Variants in SLC45A1 observed in about 807,000 individuals in gnomAD.
The protein encoded by SLC45A1 is solute carrier family 45 member 1, also known as proton-associated sugar transporter A.
In SLC45A1, 28 loss-of-function variants were observed where a neutral mutation model predicts 57.6. The ratio of observed to expected loss-of-function variants is 0.49; its 90% CI spans 0.36 to 0.67. The LOEUF is 0.67. Ranked by LOEUF, SLC45A1 falls within the 30% of genes least tolerant of loss-of-function variation. The probability of loss-of-function intolerance (pLI) is 0.00; values close to 1 mark genes in which losing one functional copy is unlikely to be tolerated. For synonymous variants in SLC45A1, 459 were observed against 471.5 expected (o/e 0.97, Z 0.34); for missense variants, 814 against 1,041.5 (o/e 0.78, Z 3.01).
intron 8 of SLC45A1, among the ~76,000 whole-genome samples, chr1:8,342,442 C>T (rs1288597721): frequency 6.6e-6 from 1 of 152,156 alleles, no homozygotes; most frequent in African/African-American, 2.4e-5. Flanking sequence ...CTCCCACTCT[C>T]CCAGGCCTAG....
chr1:8,339,942 TC>T (rs946051352), intron 8 of SLC45A1, among the ~76,000 whole-genome samples: 104 of 152,314 alleles, frequency 6.8e-4, no homozygotes, highest in African/African-American at 2.4e-3. Flanking sequence ...GCTCTGTCCT[TC>T]CCAGGGATGT....
chr1:8,323,839 C>T (rs74049551), intron 1 of SLC45A1, among the ~76,000 whole-genome samples: 2,228 of 152,210 alleles, frequency 0.015, 65 homozygotes, highest in African/African-American at 0.051. Flanking sequence ...CCCCGCAACG[C>T]GAGGAAGCAC....
chr1:8,343,639 G>T lies in SLC45A1; in HGVS notation c.1981-108G>T. ...TGTTGGCGCTGAAAAATGTGAGGCC[G>T]CTGTGTGTGGGCCGCTCGGGCCTCC... On this transcript the variant is annotated intron_variant, in intron 8 of 8. Coordinates refer to ENST00000471889, the MANE Select transcript of SLC45A1 (RefSeq NM_001080397.3). The surrounding 1 kb of genome is among the most constrained non-coding windows in gnomAD (Gnocchi z 7.7). 8.1e-7 allele frequency: 1 copy of T among 1,240,222 alleles called. No individual in the cohort carries two copies. The highest frequency in any genetic ancestry group is 1.1e-6 in the Non-Finnish European group (1 of 893,020). The allele number at this position is 1,240,222 out of a possible 1,614,324, so 76.8% of individuals were successfully genotyped here.
At chr1:8,323,111 C>T (rs573101668) in intron 1 of SLC45A1, among the ~76,000 whole-genome samples, 25 of 152,210 alleles carry the variant, frequency 1.6e-4, no homozygotes, top group Admixed American at 6.5e-4. Context: ...GAGGACAGCG[C>T]GGGAGGGGAG....
Position 8,340,187 on chromosome 1 carries a change from G to A in SLC45A1, c.1980+489G>A, listed in dbSNP as rs189515999. 5.3e-3 allele frequency among the ~76,000 whole-genome samples: 804 copies of A among 150,358 alleles called. 2 individuals are homozygous for A. Among genetic ancestry groups the A allele is most frequent in the African/African-American group, 0.018 (729 of 40,804 alleles). ...TTTCTTTTTTTTTTTTTTTGAGATGGAGTCTTGCTCTGATGCCTGTGCTGG... is the reference window on the plus strand; with the variant it reads ...TTTCTTTTTTTTTTTTTTTGAGATGAAGTCTTGCTCTGATGCCTGTGCTGG... On this transcript the variant is annotated intron_variant, in intron 8 of 8. Transcript: ENST00000471889.
In SLC45A1 at chr1:8,326,158, T is replaced by C; in HGVS notation, c.715+116T>C. The C allele has an allele frequency of 1.3e-6, 1 of 750,322 alleles. No homozygotes were observed. Among genetic ancestry groups the C allele is most frequent in the Non-Finnish European group, 2.2e-6 (1 of 459,498 alleles). The allele number at this position is 750,322 out of a possible 1,614,324, so 46.5% of individuals were successfully genotyped here. A position where few individuals can be genotyped will look rare whatever the true frequency, so the allele number is the denominator to read the frequency against. On this transcript the variant is annotated intron_variant, in intron 4 of 8. Coordinates refer to ENST00000471889, the MANE Select transcript of SLC45A1 (RefSeq NM_001080397.3). This position sits in a 1 kb window ranked among gnomAD's most constrained non-coding sequence, Gnocchi z 5.5. ...AACAAAGAAGCTGGGAGAATTCCAA[T>C]ACATGGAGAAACACTGAAGTGATTG...
intron 4 of SLC45A1, among the ~76,000 whole-genome samples, chr1:8,329,607 G>C (rs74049560): frequency 6.6e-6 from 1 of 152,234 alleles, no homozygotes; most frequent in South Asian, 2.1e-4. Context: ...TGGGCTGGCC[G>C]GTGCCCCGAG....
In SLC45A1 at chr1:8,325,537, G is replaced by T. The variant is rs775365658; in HGVS notation, c.490+147G>T. The T allele has an allele frequency of 7.6e-5, 50 of 653,694 alleles. No homozygotes were observed. Among genetic ancestry groups the T allele is most frequent in the Non-Finnish European group, 1.1e-4 (40 of 373,708 alleles). The allele number at this position is 653,694 out of a possible 1,614,324, so 40.5% of individuals were successfully genotyped here. On this transcript the variant is annotated intron_variant, in intron 3 of 8. Coordinates refer to ENST00000471889, the MANE Select transcript of SLC45A1 (RefSeq NM_001080397.3). The surrounding 1 kb of genome is among the most constrained non-coding windows in gnomAD (Gnocchi z 6.3). ...ACTGGTGTGAGGCAGGGAGTGCCCC[G>T]CAACCTGGCCTCAGTTAACTGTGAG...
At chr1:8,332,315 C>T (rs928198204) in intron 5 of SLC45A1, among the ~76,000 whole-genome samples, 2 of 152,212 alleles carry the variant, frequency 1.3e-5, no homozygotes, top group African/African-American at 4.8e-5. Context: ...TGTCTGGGAT[C>T]GTCCCTCCTG....
rs911266058 is a variant in SLC45A1 at position 8,338,087 on chromosome 1, C to A, written c.1774+95C>A. ...AGGCAGGTTCATGGCCTTACGATTG[C>A]AGACACCACATCCCAATTTGGGGGA... On this transcript the variant is annotated intron_variant, in intron 7 of 8. Transcript: ENST00000471889. The A allele has an allele frequency of 1.3e-5, 15 of 1,146,636 alleles. No homozygotes were observed. In the Admixed American group the frequency reaches 1.8e-4, roughly 14 times the overall value. The allele number at this position is 1,146,636 out of a possible 1,614,324, so 71.0% of individuals were successfully genotyped here.
chr1:8,325,930 G>A lies in SLC45A1; in HGVS notation c.603G>A (p.Val201=), dbSNP rs757209202. 3 of 1,613,964 alleles carry A rather than the reference G, an allele frequency of 1.9e-6. No homozygotes were observed. The South Asian group carries it at 3.3e-5, about 18-fold the overall frequency. ...WGLLLTVCGV[V]LMDFSADSAD... is the part of the protein sequence containing the mutation. Reference sequence around the variant, plus strand: ...TGCTGCTGACCGTGTGCGGTGTGGTGCTGATGGACTTTAGCGCCGACTCGG... The same window carrying A: ...TGCTGCTGACCGTGTGCGGTGTGGTACTGATGGACTTTAGCGCCGACTCGG... The change falls in exon 4 of 9, where the codon GTG becomes GTA. Residue 201 remains valine (V), a synonymous_variant. Transcript: ENST00000471889. The surrounding 1 kb of genome is among the most constrained non-coding windows in gnomAD (Gnocchi z 6.3).
chr1:8,328,441 C>T lies in SLC45A1; in HGVS notation c.716-1768C>T, dbSNP rs573402603. On this transcript the variant is annotated intron_variant, in intron 4 of 8. Transcript: ENST00000471889. This position sits in a 1 kb window ranked among gnomAD's most constrained non-coding sequence, Gnocchi z 4.6. ...GAGGGAACTTCTAAAGGGGCCATGC[C>T]GGGCGAGTGCTGGGCTTGGCAGAGA... Among the ~76,000 whole-genome samples the T allele has an allele frequency of 1.1e-4, 16 of 152,338 alleles. No homozygotes were observed. The South Asian group carries it at 2.1e-3, about 20-fold the overall frequency.
chr1:8,318,215 C>T (rs1639883918), intron 1 of SLC45A1, 29 bp downstream of exon 1: 1 of 421,998 alleles, frequency 2.4e-6, no homozygotes, highest in Non-Finnish European at 4.3e-6. Context: ...CGCCCTCCGC[C>T]CGCTCTCTGG....
rs1640386427 is a variant in SLC45A1 at position 8,330,916 on chromosome 1, A to C, written c.1423A>C (p.Asn475His). The C allele has an allele frequency of 6.3e-7, 1 of 1,594,804 alleles. No individual in the cohort carries two copies. Residue 475 changes from asparagine to histidine, a missense_variant, in exon 5 of 9, where the codon AAT (asparagine) becomes CAT (histidine). Asn to His is a moderately conservative substitution (Grantham distance 68, BLOSUM62 1). Transcript: ENST00000471889. The surrounding 1 kb of genome is among the most constrained non-coding windows in gnomAD (Gnocchi z 8.4). ...GGGPETSRRR[N>H]VTFSQQVANI... is the part of the protein sequence containing the mutation. ...GGGTCCCGAAACCAGCAGGAGAAGG[A>C]ATGTGACCTTCAGTCAGCAGGTAAC...
At chr1:8,324,230 C>A in intron 1 of SLC45A1, 76 bp from the exon 2 acceptor site, 1 of 1,297,694 alleles carries the variant, frequency 7.7e-7, no homozygotes, top group Non-Finnish European at 1.1e-6. Flanking sequence ...CTAAATTCTG[C>A]AGTGTGAACT....
In SLC45A1 at chr1:8,337,802, T is replaced by C. The variant is rs747843214; in HGVS notation, c.1598-14T>C. The C allele has an allele frequency of 7.5e-6, 12 of 1,610,716 alleles. No homozygotes were observed. The highest frequency in any genetic ancestry group is 1.0e-5 in the Non-Finnish European group (12 of 1,178,616). On this transcript the variant is annotated splice_polypyrimidine_tract_variant and intron_variant, in intron 6 of 8. Transcript: ENST00000471889. ...CTTTGCCCCCGAGGTCATGAACCTC[T>C]TTCTTTCTTCCAGGGTGGCTCTCAT...
intron 8 of SLC45A1, among the ~76,000 whole-genome samples, chr1:8,342,537 C>T (rs1028747925): frequency 6.6e-6 from 1 of 152,148 alleles, no homozygotes; most frequent in African/African-American, 2.4e-5. Flanking sequence ...TGCGGCCTCT[C>T]GTGTCTGGCA....
At chr1:8,341,495 A>C (rs1354900888) in intron 8 of SLC45A1, among the ~76,000 whole-genome samples, 3 of 150,060 alleles carry the variant, frequency 2.0e-5, no homozygotes, top group Non-Finnish European at 4.4e-5. Context: ...AGATCGCACC[A>C]CTGCACTCCA....
intron 5 of SLC45A1, among the ~76,000 whole-genome samples, chr1:8,331,593 A>G (rs1231201738): frequency 1.3e-5 from 2 of 152,128 alleles, no homozygotes; most frequent in Non-Finnish European, 2.9e-5. Context: ...GTGACCCATG[A>G]TTGCACCACT....
Sources: gnomAD v4.1 joint callset for allele counts (sites outside exome capture counted in the v4.1 genomes callset) on GRCh38, gnomAD v4.1.1 for gene constraint, Gnocchi (gnomAD v3.1) non-coding constraint, MANE v1.5 for transcripts, NCBI Gene and HGNC (gene_info 2026-07-23, HGNC 2026-07-21) for gene names.